Variants in FIP1L1 observed in about 807,000 individuals in gnomAD.
The protein encoded by FIP1L1 is pre-mRNA 3'-end-processing factor FIP1.
In FIP1L1, 21 loss-of-function variants were observed where a neutral mutation model predicts 84.6. That is an observed-to-expected ratio of 0.25 (90% CI 0.18 to 0.36). FIP1L1 has a LOEUF of 0.36. Ranked by LOEUF, FIP1L1 falls within the 10% of genes least tolerant of loss-of-function variation. FIP1L1 has a pLI of 1.00. For synonymous variants in FIP1L1, 263 were observed against 242.3 expected, an observed-to-expected ratio of 1.09 and a Z score of -0.80; for missense variants, 526 against 751.1, an observed-to-expected ratio of 0.70 and a Z score of 3.50.
intron 11 of FIP1L1, among the ~76,000 whole-genome samples, chr4:53,417,738 A>AACACACACACACACACACAC (rs371194870): frequency 1.1e-4 from 8 of 70,402 alleles, no homozygotes; most frequent in South Asian, 7.2e-4. Flanking sequence ...TCTCTTTTTA[A>AACACACACACACACACACAC]ACACACACAC....
At chr4:53,459,277 C>CT (rs3067115) in intron 17 of FIP1L1, 25 bp from the exon 18 acceptor site, 275,482 of 960,176 alleles carry the variant, frequency 0.29, 14,935 homozygotes, top group Admixed American at 0.32. Flanking sequence ...CAGAACACAC[C>CT]TTTTTTTTTT....
intron 13 of FIP1L1, among the ~76,000 whole-genome samples, chr4:53,435,410 G>C (rs1768682992): frequency 6.6e-6 from 1 of 152,006 alleles, no homozygotes; most frequent in South Asian, 2.1e-4. Flanking sequence ...CTGCTCTTTT[G>C]ATCGTCTCAT....
At chr4:53,449,384 C>A (rs772595464) in intron 15 of FIP1L1, among the ~76,000 whole-genome samples, 1 of 151,988 alleles carries the variant, frequency 6.6e-6, no homozygotes. Context: ...AATTGTTTTT[C>A]TTCTCTAATC....
intron 10 of FIP1L1, among the ~76,000 whole-genome samples, chr4:53,410,942 G>T (rs986957889): frequency 1.3e-5 from 2 of 148,398 alleles, no homozygotes; most frequent in African/African-American, 5.0e-5. Context: ...TCCACTGAGG[G>T]TCTTAGAATG....
intron 3 of FIP1L1, among the ~76,000 whole-genome samples, chr4:53,381,868 A>G (rs536195541): frequency 1.3e-4 from 19 of 148,014 alleles, no homozygotes; most frequent in African/African-American, 2.8e-4. Context: ...GGTTCAAGCA[A>G]TTGTCTGCTT....
intron 13 of FIP1L1, among the ~76,000 whole-genome samples, chr4:53,428,510 G>A (rs537737503): frequency 6.6e-6 from 1 of 151,940 alleles, no homozygotes; most frequent in Admixed American, 6.6e-5. Flanking sequence ...AATTTGTTTT[G>A]AAAAAAACAT....
rs369268358 is a variant in FIP1L1, at chr4:53,424,747, A to G, written c.924-1125A>G. ...TTCCAGAAAAGCCTTAAATTCCTCA[A>G]AGGTCTTGCTGGAAGGAAACCTAGC... On this transcript the variant is annotated intron_variant, in intron 11 of 17. Coordinates refer to ENST00000337488, the MANE Select transcript of FIP1L1 (RefSeq NM_030917.4). Among the ~76,000 whole-genome samples the G allele has an allele frequency of 2.0e-5, 3 of 152,216 alleles. No individual in the cohort carries two copies. In the South Asian group the frequency reaches 6.2e-4, roughly 32 times the overall value.
At chr4:53,439,964 G>T (rs1190561771) in intron 13 of FIP1L1, among the ~76,000 whole-genome samples, 1 of 151,974 alleles carries the variant, frequency 6.6e-6, no homozygotes, top group East Asian at 1.9e-4. Context: ...ATATTTGCTA[G>T]CACCTGTAGA....
At chr4:53,400,325 A>G (rs1344449089) in intron 10 of FIP1L1, among the ~76,000 whole-genome samples, 2 of 152,184 alleles carry the variant, frequency 1.3e-5, no homozygotes, top group Non-Finnish European at 2.9e-5. Flanking sequence ...AATACCTCAT[A>G]TGTTCCCGAA....
intron 16 of FIP1L1, chr4:53,458,452 A>G (rs1720666256): frequency 2.5e-6 from 1 of 405,428 alleles, no homozygotes; most frequent in Non-Finnish European, 4.4e-6. Context: ...TTATATATTT[A>G]TATTCTTAGC....
At chr4:53,458,627 A>G (rs2150502339) in intron 16 of FIP1L1, 26 bp from the exon 17 acceptor site, 3 of 1,604,078 alleles carry the variant, frequency 1.9e-6, no homozygotes, top group East Asian at 2.2e-5. Flanking sequence ...CCAGTTGTCA[A>G]GAAAACATTT....
At chr4:53,378,060 G>C (rs1578033793) in intron 1 of FIP1L1, 137 bp downstream of exon 1, 5 of 748,596 alleles carry the variant, frequency 6.7e-6, no homozygotes, top group East Asian at 6.6e-5. Context: ...GACTTAGGCC[G>C]AGCGCGGCGT....
chr4:53,451,334 C>G (rs1715816844), intron 15 of FIP1L1, among the ~76,000 whole-genome samples: 1 of 151,022 alleles, frequency 6.6e-6, no homozygotes, highest in Non-Finnish European at 1.5e-5. Context: ...TTCTTTCAAC[C>G]TTTCTGTGTG....
intron 10 of FIP1L1, among the ~76,000 whole-genome samples, chr4:53,407,163 G>A (rs560137862): frequency 3.4e-4 from 51 of 151,730 alleles, no homozygotes; most frequent in African/African-American, 5.8e-4. Flanking sequence ...ATAAATTTCC[G>A]TCTACACACT....
rs1721675823 is a variant in FIP1L1, at chr4:53,460,309, CGAGCATTTTTAGGGATAAGCCT to C, written c.*861_*882del. ...ACAAGTTTATAATTAATTCTCTGAG[CGAGCATTTTTAGGGATAAGCCT>C]AGGAGGTATTCATCGGTGATGGTAA... On this transcript the variant is annotated 3_prime_UTR_variant, in exon 18 of 18. Transcript: ENST00000337488. The C allele has an allele frequency of 1.1e-5, 2 of 189,140 alleles. No individual in the cohort carries two copies. The highest frequency in any genetic ancestry group is 1.9e-4 in the South Asian group (1 of 5,138). 11.7% of individuals were successfully genotyped at this position (189,140 alleles called of 1,614,324 possible).
At position 53,410,844 on chromosome 4, in the gene FIP1L1, C is replaced by T. The variant is rs560073623; in HGVS notation, c.816-3771C>T. ...TTAATTATAAATTAAATTTTATAGG[C>T]ATGTATATATAGAAAAAATCATTGT... On this transcript the variant is annotated intron_variant, in intron 10 of 17. Coordinates refer to ENST00000337488, the MANE Select transcript of FIP1L1 (RefSeq NM_030917.4). Among the ~76,000 whole-genome samples, 30 of 152,232 alleles carry T rather than the reference C, an allele frequency of 2.0e-4. No homozygotes were observed. The East Asian group carries it at 5.6e-3, about 28-fold the overall frequency.
At chr4:53,408,341 G>A (rs1430583228) in intron 10 of FIP1L1, among the ~76,000 whole-genome samples, 1 of 152,186 alleles carries the variant, frequency 6.6e-6, no homozygotes, top group Non-Finnish European at 1.5e-5. Context: ...CTTCTGGCTT[G>A]TAGAGTTTCT....
intron 7 of FIP1L1, 135 bp from the exon 8 acceptor site, chr4:53,390,874 C>G: frequency 1.3e-6 from 1 of 760,900 alleles, no homozygotes; most frequent in Non-Finnish European, 2.0e-6. Flanking sequence ...ATGATATAGT[C>G]TTTTTGCCAC....
chr4:53,460,824 TA>T lies in FIP1L1; in HGVS notation c.*1380del. The T allele has an allele frequency of 7.7e-7, 1 of 1,306,454 alleles. No homozygotes were observed. Among genetic ancestry groups the T allele is most frequent in the Non-Finnish European group, 1.1e-6 (1 of 943,580 alleles). The allele number at this position is 1,306,454 out of a possible 1,614,324, so 80.9% of individuals were successfully genotyped here. On this transcript the variant is annotated 3_prime_UTR_variant, in exon 18 of 18. Transcript: ENST00000337488. Reference sequence around the variant, plus strand: ...TTACAATGTATTCTTTCTTTAAATATAAAAACTGACAAGATAAATATAGTGT... The same window carrying T: ...TTACAATGTATTCTTTCTTTAAATATAAAACTGACAAGATAAATATAGTGT...
Sources: allele counts gnomAD v4.1 joint callset (sites outside exome capture counted in the v4.1 genomes callset), GRCh38; gene constraint gnomAD v4.1.1; transcripts MANE v1.5; gene names NCBI Gene and HGNC (gene_info 2026-07-23, HGNC 2026-07-21).